The following SPDYE4 variants were observed in gnomAD, a reference collection of about 807,000 sequenced individuals.
SPDYE4 encodes speedy protein E4.
SPDYE4 carries 30 observed loss-of-function variants against 37.5 expected under a neutral mutation model. That is an observed-to-expected ratio of 0.80 (90% confidence interval 0.60 to 1.09). SPDYE4 has a LOEUF of 1.09. SPDYE4 is among the 50% of genes least tolerant of loss of function. The pLI is 0.00. For synonymous variants in SPDYE4, 131 were observed against 120.3 expected (o/e 1.09, Z -0.58); for missense variants, 300 against 307.9 (o/e 0.97, Z 0.19).
intron 4 of SPDYE4, among the ~76,000 whole-genome samples, chr17:8,754,699 A>T (rs2086757313): frequency 6.6e-6 from 1 of 152,218 alleles, no homozygotes; most frequent in African/African-American, 2.4e-5. Context: ...TTATCCTAGG[A>T]TGTCACTAAA....
chr17:8,752,578 G>A (rs1158523334), intron 6 of SPDYE4, among the ~76,000 whole-genome samples: 1 of 152,086 alleles, frequency 6.6e-6, no homozygotes, highest in East Asian at 1.9e-4. Context: ...TATTGCTTAA[G>A]ATCTAAACTT....
downstream of SPDYE4, among the ~76,000 whole-genome samples, chr17:8,747,777 C>T (rs2086700136): frequency 6.6e-6 from 1 of 152,204 alleles, no homozygotes; most frequent in Non-Finnish European, 1.5e-5. Flanking sequence ...ATCCTCACTG[C>T]TGTGAACTGA....
rs748868028 is a variant in SPDYE4, at chr17:8,757,384, C to T, written c.218G>A (p.Arg73His). The change falls in exon 2 of 7, where the codon CGC becomes CAC. Residue 73 changes from arginine (R) to histidine (H), a missense_variant. Transcript: ENST00000689094. ...CCAGGTGTCCTCGGGCTCAGGGGCG[C>T]GCTCCAACTCCAGCTCCTCCTCCAG... is the stretch of plus-strand genomic sequence containing the variant. ...EELEEELELERAPEPEDTWVV... is the reference protein window; with the variant it reads ...EELEEELELEHAPEPEDTWVV... 1.6e-5 allele frequency: 26 copies of T among 1,592,270 alleles called. No homozygotes were observed. The African/African-American group carries it at 1.9e-4, about 11-fold the overall frequency.
intron 4 of SPDYE4, among the ~76,000 whole-genome samples, chr17:8,754,051 G>T (rs1409696939): frequency 1.3e-5 from 2 of 152,128 alleles, no homozygotes; most frequent in African/African-American, 4.8e-5. Context: ...AGAGGGCTTT[G>T]TTTATCTTGG....
chr17:8,753,332 C>T lies in SPDYE4; in HGVS notation c.643G>A (p.Glu215Lys). The T allele has an allele frequency of 6.4e-6, 9 of 1,402,998 alleles. No individual in the cohort carries two copies. Among genetic ancestry groups the T allele is most frequent in the Non-Finnish European group, 8.6e-6 (9 of 1,047,750 alleles). The allele number at this position is 1,402,998 out of a possible 1,614,324, so 86.9% of individuals were successfully genotyped here. A position where few individuals can be genotyped will look rare whatever the true frequency, so the allele number is the denominator to read the frequency against. The change falls in exon 5 of 7, where the codon GAG (glutamate) becomes AAG (lysine). Residue 215 changes from glutamate to lysine, a missense_variant. Transcript: ENST00000689094. Reference protein sequence around the residue: ...MRWRTWVSPEEMEEIQAYDPE... With the variant: ...MRWRTWVSPEKMEEIQAYDPE... Reference sequence around the variant, plus strand: ...ATGGCCCCACCTACCTCCTCCATCTCCTCTGGGGAAACCCACGTCCTCCAG... The same window carrying T: ...ATGGCCCCACCTACCTCCTCCATCTTCTCTGGGGAAACCCACGTCCTCCAG...
chr17:8,755,756 G>A (rs1323461647), intron 3 of SPDYE4, among the ~76,000 whole-genome samples, 151 bp from the exon 4 acceptor site: 2 of 152,152 alleles, frequency 1.3e-5, no homozygotes, highest in Non-Finnish European at 2.9e-5. Flanking sequence ...GGGGCTTGCG[G>A]GTGGAGAGTG....
chr17:8,752,561 C>A (rs2086735284), intron 6 of SPDYE4, among the ~76,000 whole-genome samples: 1 of 152,084 alleles, frequency 6.6e-6, no homozygotes, highest in African/African-American at 2.4e-5. Flanking sequence ...ACACTTGGGG[C>A]CCTTTATATT....
rs1458652848 is a variant in SPDYE4 at position 8,758,441 on chromosome 17, C to G, written c.-59G>C. On this transcript the variant is annotated 5_prime_UTR_variant, in exon 1 of 7. Coordinates refer to ENST00000689094, the MANE Select transcript of SPDYE4 (RefSeq NM_001394956.1). ...AACCTAGTCCCTGTTCTGTCCAAAG[C>G]CTTCTTCCAGACTCCGTTAGGACCC... The G allele has an allele frequency of 6.7e-7, 1 of 1,483,248 alleles. No homozygotes were observed. The highest frequency in any genetic ancestry group is 9.2e-7 in the Non-Finnish European group (1 of 1,084,558). 91.9% of individuals were successfully genotyped at this position (1,483,248 alleles called of 1,614,324 possible).
At chr17:8,750,117 A>C (rs756468851), downstream of SPDYE4, among the ~76,000 whole-genome samples, 4 of 152,216 alleles carry the variant, frequency 2.6e-5, no homozygotes, top group Admixed American at 2.0e-4. Flanking sequence ...AATGCAATGC[A>C]GTGTCTCACA....
chr17:8,751,292 CT>C lies in SPDYE4; in HGVS notation c.*989del, dbSNP rs1181552469. On this transcript the variant is annotated 3_prime_UTR_variant, in exon 7 of 7. Transcript: ENST00000689094. ...TCACACAACTTCATAAGAACAGTGT[CT>C]TTTAAAAAATACTTGTATTTCTAAA... Among the ~76,000 whole-genome samples the C allele has an allele frequency of 6.6e-6, 1 of 152,036 alleles. No homozygotes were observed. Among genetic ancestry groups the C allele is most frequent in the African/African-American group, 2.4e-5 (1 of 41,400 alleles).
At position 8,758,255 on chromosome 17, in the gene SPDYE4, C is replaced by G; in HGVS notation, c.109+19G>C. 6.6e-7 allele frequency: 1 copy of G among 1,516,772 alleles called. No individual in the cohort carries two copies. Among genetic ancestry groups the G allele is most frequent in the Non-Finnish European group, 8.9e-7 (1 of 1,125,814 alleles). 94.0% of individuals were successfully genotyped at this position (1,516,772 alleles called of 1,614,324 possible). A position where few individuals can be genotyped will look rare whatever the true frequency, so the allele number is the denominator to read the frequency against. ...CTCAGTCAATCATCTCCCATCGCTT[C>G]TCCCTCCAGTCACCTCACCTGATGG... On this transcript the variant is annotated intron_variant, in intron 1 of 6. Coordinates refer to ENST00000689094, the MANE Select transcript of SPDYE4 (RefSeq NM_001394956.1).
At chr17:8,754,637 T>G (rs1476154334) in intron 4 of SPDYE4, among the ~76,000 whole-genome samples, 3 of 152,170 alleles carry the variant, frequency 2.0e-5, no homozygotes, top group Non-Finnish European at 4.4e-5. Context: ...AGGGGTCTAC[T>G]CTGATGGGTT....
At chr17:8,749,969 C>A (rs186269898), downstream of SPDYE4, among the ~76,000 whole-genome samples, 12 of 152,340 alleles carry the variant, frequency 7.9e-5, no homozygotes, top group Middle Eastern at 3.4e-3. Context: ...CAAACATCAA[C>A]ACTTTGCAAC....
In SPDYE4 at chr17:8,758,323, C is replaced by T. The variant is rs72848106; in HGVS notation, c.60G>A (p.Thr20=). 42,014 of 1,551,150 alleles carry T rather than the reference C, an allele frequency of 0.027. 799 individuals carry two copies. Among genetic ancestry groups the T allele is most frequent in the African/African-American group, 0.091 (6,672 of 73,000 alleles). The change falls in exon 1 of 7, where the codon ACG becomes ACA. Residue 20 remains threonine (T), a synonymous_variant. Coordinates refer to ENST00000689094, the MANE Select transcript of SPDYE4 (RefSeq NM_001394956.1). ...CCACCACCACCTCGGGGGACCGTAC[C>T]GTTGTGCTAGGCTGGGGGCTCTCCT... The part of the protein sequence containing the change: ...FEEESPQPST[T]VRSPEVVVDD...
chr17:8,758,247 C>A, intron 1 of SPDYE4, 27 bp downstream of exon 1: 5 of 1,495,454 alleles, frequency 3.3e-6, no homozygotes, highest in Non-Finnish European at 4.5e-6. Flanking sequence ...AATCATCTCC[C>A]ATCGCTTCTC....
At chr17:8,755,683 A>AGGGGCT in intron 3 of SPDYE4, 78 bp from the exon 4 acceptor site, 1 of 1,534,032 alleles carries the variant, frequency 6.5e-7, no homozygotes, top group South Asian at 1.1e-5. Flanking sequence ...AGAAGGGAAC[A>AGGGGCT]GGGGCTGGGG....
rs1321530055 is a variant in SPDYE4 at position 8,750,929 on chromosome 17, C to T, written c.*1353G>A. The stretch of plus-strand genomic sequence containing the variant: ...ACTGTCCTCTTTGAAACACACAGCT[C>T]CTGTCCTCCTTTCAAACACATGTCC... On this transcript the variant is annotated 3_prime_UTR_variant, in exon 7 of 7. Coordinates refer to ENST00000689094, the MANE Select transcript of SPDYE4 (RefSeq NM_001394956.1). Among the ~76,000 whole-genome samples, 2 of 152,192 alleles carry T rather than the reference C, an allele frequency of 1.3e-5. No homozygotes were observed. The highest frequency in any genetic ancestry group is 3.8e-4 in the East Asian group (2 of 5,200).
chr17:8,747,881 A>T (rs1555523437), downstream of SPDYE4, among the ~76,000 whole-genome samples: 1 of 152,214 alleles, frequency 6.6e-6, no homozygotes, highest in South Asian at 2.1e-4. Context: ...AAAGAAAAAG[A>T]GGTTTAATTG....
In SPDYE4 at chr17:8,751,040, C is replaced by A. The variant is rs1055745398; in HGVS notation, c.*1242G>T. 2.0e-5 allele frequency among the ~76,000 whole-genome samples: 3 copies of A among 152,150 alleles called. No individual in the cohort carries two copies. The highest frequency in any genetic ancestry group is 7.2e-5 in the African/African-American group (3 of 41,424). On this transcript the variant is annotated 3_prime_UTR_variant, in exon 7 of 7. Coordinates refer to ENST00000689094, the MANE Select transcript of SPDYE4 (RefSeq NM_001394956.1). ...AGTTCAATAACAAACAAACACTCAACATCAAATAAAAATTTATTTTTACAA... is the reference window on the plus strand; with the variant it reads ...AGTTCAATAACAAACAAACACTCAAAATCAAATAAAAATTTATTTTTACAA...
Sources: gnomAD v4.1 joint callset for allele counts (sites outside exome capture counted in the v4.1 genomes callset) on GRCh38, gnomAD v4.1.1 for gene constraint, MANE v1.5 for transcripts, NCBI Gene and HGNC (gene_info 2026-07-23, HGNC 2026-07-21) for gene names.